The following TRPM3 variants were observed in gnomAD, a reference collection of about 807,000 sequenced individuals.
The protein encoded by TRPM3 is transient receptor potential cation channel subfamily M member 3, also known as long transient receptor potential channel 3.
A neutral mutation model predicts 181.2 loss-of-function variants in TRPM3; 77 were observed. That is an observed-to-expected ratio of 0.42 (90% confidence interval 0.35 to 0.51). The LOEUF is 0.51. Ranked by LOEUF, TRPM3 falls within the 20% of genes least tolerant of loss-of-function variation. The pLI, the probability that TRPM3 is intolerant of heterozygous loss-of-function variation, is 0.01. For synonymous variants in TRPM3, 745 were observed against 796.4 expected (o/e 0.94, Z 1.09); for missense variants, 1,759 against 2,196.7 (o/e 0.80, Z 3.98).
chr9:71,410,143 A>T (rs1331084697), intron 1 of TRPM3, among the ~76,000 whole-genome samples: 1 of 152,212 alleles, frequency 6.6e-6, no homozygotes, highest in Non-Finnish European at 1.5e-5. Context: ...CTAAATGCCC[A>T]CAAGAGAAAG....
intron 1 of TRPM3, among the ~76,000 whole-genome samples, chr9:71,331,930 A>AAG: frequency 2.0e-5 from 1 of 49,276 alleles, no homozygotes; most frequent in Non-Finnish European, 4.5e-5. Flanking sequence ...GAAGAGGAAG[A>AAG]AGGTGAAGGA....
chr9:70,934,810 C>T (rs1032567955), intron 1 of TRPM3, among the ~76,000 whole-genome samples: 36 of 152,110 alleles, frequency 2.4e-4, no homozygotes, highest in Admixed American at 1.6e-3. Flanking sequence ...GGGAAATTAG[C>T]CCAAGGCTTT....
intron 1 of TRPM3, among the ~76,000 whole-genome samples, chr9:71,367,940 C>T (rs1278112410): frequency 1.7e-5 from 1 of 60,360 alleles, no homozygotes; most frequent in Non-Finnish European, 3.3e-5. Context: ...TCTTCCTAAG[C>T]ATTTGTGTGT....
At chr9:70,656,973 G>A (rs2060438707) in intron 9 of TRPM3, among the ~76,000 whole-genome samples, 1 of 150,980 alleles carries the variant, frequency 6.6e-6, no homozygotes, top group South Asian at 2.1e-4. Flanking sequence ...TTTTATGTAA[G>A]AAAGAATCTT....
chr9:71,014,369 T>C (rs1277604796), intron 1 of TRPM3, among the ~76,000 whole-genome samples: 1 of 152,126 alleles, frequency 6.6e-6, no homozygotes, highest in Non-Finnish European at 1.5e-5. Flanking sequence ...TTCTCTATTA[T>C]TGTGGTGCAA....
At chr9:71,200,002 G>T (rs963396558) in intron 1 of TRPM3, among the ~76,000 whole-genome samples, 7 of 152,130 alleles carry the variant, frequency 4.6e-5, no homozygotes, top group African/African-American at 1.7e-4. Context: ...TTTCTATTGT[G>T]CACATTTAGT....
At chr9:71,422,383 A>G (rs1295424885) in intron 1 of TRPM3, among the ~76,000 whole-genome samples, 2 of 152,082 alleles carry the variant, frequency 1.3e-5, no homozygotes, top group Non-Finnish European at 2.9e-5. Context: ...ATTTAGGACA[A>G]TAGTTTTCTC....
chr9:71,265,966 C>T (rs1050931900), intron 1 of TRPM3, among the ~76,000 whole-genome samples: 1 of 152,160 alleles, frequency 6.6e-6, no homozygotes, highest in African/African-American at 2.4e-5. Context: ...ACCTATCTTG[C>T]CACTGAGTGT....
chr9:70,932,182 T>C (rs1046101669), intron 1 of TRPM3, among the ~76,000 whole-genome samples: 2 of 152,186 alleles, frequency 1.3e-5, no homozygotes, highest in African/African-American at 4.8e-5. Flanking sequence ...TATATGCCTC[T>C]CTACCCTTGC....
chr9:71,225,938 G>A (rs761097587), intron 1 of TRPM3, among the ~76,000 whole-genome samples: 3 of 135,684 alleles, frequency 2.2e-5, no homozygotes, highest in Non-Finnish European at 4.6e-5. Flanking sequence ...TTACAGGCAT[G>A]AGTTACCGCA....
intron 1 of TRPM3, among the ~76,000 whole-genome samples, chr9:71,047,024 T>C (rs1156418536): frequency 1.3e-5 from 2 of 152,214 alleles, no homozygotes; most frequent in Non-Finnish European, 2.9e-5. Context: ...ACCATTGAAA[T>C]ATCTTGAGGG....
chr9:71,359,536 T>TA (rs1422566083), intron 1 of TRPM3, among the ~76,000 whole-genome samples: 1 of 152,166 alleles, frequency 6.6e-6, no homozygotes, highest in African/African-American at 2.4e-5. Flanking sequence ...TTCTAAAACA[T>TA]AAACCTACTG....
chr9:70,891,403 A>G (rs1338641716), intron 1 of TRPM3, among the ~76,000 whole-genome samples: 1 of 152,234 alleles, frequency 6.6e-6, no homozygotes, highest in African/African-American at 2.4e-5. Flanking sequence ...AAAAAGCAGA[A>G]TTATAAGCAT....
At chr9:70,920,870 C>T (rs978923252) in intron 1 of TRPM3, among the ~76,000 whole-genome samples, 8 of 152,128 alleles carry the variant, frequency 5.3e-5, no homozygotes, top group African/African-American at 1.9e-4. Flanking sequence ...CAATATTAGG[C>T]ATTCATTTTT....
At chr9:71,095,758 C>CAAAAAAAAAAA (rs34934062) in intron 1 of TRPM3, among the ~76,000 whole-genome samples, 1 of 85,300 alleles carries the variant, frequency 1.2e-5, no homozygotes, top group African/African-American at 4.3e-5. Context: ...GACTCTGTGT[C>CAAAAAAAAAAA]AAAAAAAAAA....
At chr9:71,296,888 A>C (rs1174163934) in intron 1 of TRPM3, among the ~76,000 whole-genome samples, 1 of 152,152 alleles carries the variant, frequency 6.6e-6, no homozygotes, top group Admixed American at 6.5e-5. Flanking sequence ...CTACTGCTGA[A>C]GGGTAATGCC....
intron 6 of TRPM3, among the ~76,000 whole-genome samples, chr9:70,797,771 T>C (rs1462641894): frequency 6.6e-6 from 1 of 152,208 alleles, no homozygotes; most frequent in Non-Finnish European, 1.5e-5. Context: ...TGCCTGGCTC[T>C]GCTTCTTCTT....
intron 1 of TRPM3, among the ~76,000 whole-genome samples, chr9:70,963,663 G>A (rs2097159239): frequency 6.6e-6 from 1 of 152,118 alleles, no homozygotes; most frequent in African/African-American, 2.4e-5. Context: ...CTTGGAAGGA[G>A]TAAATAACCT....
chr9:70,681,557 A>G lies in TRPM3; in HGVS notation c.1294T>C (p.Ser432Pro), dbSNP rs181177327. The G allele has an allele frequency of 1.1e-4, 182 of 1,613,836 alleles. No homozygotes were observed. Among genetic ancestry groups the G allele is most frequent in the Non-Finnish European group, 7.6e-6 (9 of 1,179,776 alleles). The change falls in exon 9 of 26, where the codon TCA (serine) becomes CCA (proline). Residue 432 changes from serine (S) to proline (P), a missense_variant. By Grantham distance (74) the Ser-to-Pro change is moderately conservative. Coordinates refer to ENST00000677713, the MANE Select transcript of TRPM3 (RefSeq NM_001366145.2). ...KELITVFRMG[S>P]EGHQDIDLAI... ...AAATCAATGTCCTGGTGTCCTTCTG[A>G]TCCCATCCGAAATACCGTAATCTGC...
Sources: allele counts gnomAD v4.1 joint callset (sites outside exome capture counted in the v4.1 genomes callset), GRCh38; gene constraint gnomAD v4.1.1; transcripts MANE v1.5; gene names NCBI Gene and HGNC (gene_info 2026-07-23, HGNC 2026-07-21).